F2R: variants seen among roughly 807,000 people sequenced by gnomAD.
F2R encodes the protein proteinase-activated receptor 1.
In F2R, 12 loss-of-function variants were observed where a neutral mutation model predicts 18.3. That is an observed-to-expected ratio of 0.66 (90% CI 0.42 to 1.06). F2R has a LOEUF of 1.06. F2R is among the 50% of genes least tolerant of loss of function. F2R has a pLI of 0.00. For missense variants in F2R, 438 were observed against 530.8 expected (o/e 0.83, Z 1.72); for synonymous variants, 210 against 219.9 (o/e 0.95, Z 0.40).
chr5:76,720,264 C>T (rs1748422799), intron 1 of F2R, among the ~76,000 whole-genome samples: 1 of 151,940 alleles, frequency 6.6e-6, no homozygotes, highest in South Asian at 2.1e-4. Flanking sequence ...AGTAAGACCC[C>T]ATCTCTATTA....
intron 1 of F2R, among the ~76,000 whole-genome samples, chr5:76,719,184 G>A (rs562851772): frequency 5.9e-5 from 9 of 152,302 alleles, no homozygotes; most frequent in South Asian, 2.1e-4. Context: ...TCTTAGGGAC[G>A]TTACAATACT....
rs1004191294 is a variant in F2R at position 76,716,355 on chromosome 5, C to T, written c.48C>T (p.Cys16=). 1.4e-6 allele frequency: 2 copies of T among 1,462,374 alleles called. No homozygotes were observed. Among genetic ancestry groups the T allele is most frequent in the Non-Finnish European group, 9.0e-7 (1 of 1,108,970 alleles). 90.6% of individuals were successfully genotyped at this position (1,462,374 alleles called of 1,614,324 possible). A position where few individuals can be genotyped will look rare whatever the true frequency, so the allele number is the denominator to read the frequency against. The change falls in exon 1 of 2, where the codon TGC becomes TGT. Residue 16 remains cysteine, a synonymous_variant. Transcript: ENST00000319211. Reference sequence around the variant, plus strand: ...TGGTGGCCGCCTGCTTCAGTCTGTGCGGCCCGCTGTTGTCTGCCCGCACCC... The same window carrying T: ...TGGTGGCCGCCTGCTTCAGTCTGTGTGGCCCGCTGTTGTCTGCCCGCACCC... ...LLLVAACFSL[C]GPLLSARTRA... is the part of the protein sequence containing the mutation.
chr5:76,728,489 C>T (rs1156427569), intron 1 of F2R, among the ~76,000 whole-genome samples: 2 of 152,138 alleles, frequency 1.3e-5, no homozygotes, highest in Non-Finnish European at 2.9e-5. Flanking sequence ...ACATTATGCC[C>T]TCTCGGCTCA....
Position 76,732,997 on chromosome 5 carries a change from C to T in F2R, c.772C>T (p.Leu258Phe). 2 of 1,614,172 alleles carry T rather than the reference C, an allele frequency of 1.2e-6. No individual in the cohort carries two copies. Among genetic ancestry groups the T allele is most frequent in the South Asian group, 1.1e-5 (1 of 91,082 alleles). ...CAACATCACTACCTGTCATGATGTGCTCAATGAAACCCTGCTCGAAGGCTA... is the reference window on the plus strand; with the variant it reads ...CAACATCACTACCTGTCATGATGTGTTCAATGAAACCCTGCTCGAAGGCTA... ...GLNITTCHDVLNETLLEGYYA... is the reference protein window; with the variant it reads ...GLNITTCHDVFNETLLEGYYA... The change falls in exon 2 of 2, where the codon CTC becomes TTC. Residue 258 changes from leucine to phenylalanine, a missense_variant. Leu to Phe is a conservative substitution (Grantham distance 22). Transcript: ENST00000319211.
Position 76,732,622 on chromosome 5 carries a change from G to A in F2R, c.397G>A (p.Val133Ile), listed in dbSNP as rs374957006. ...AIVVFILKMK[V>I]KKPAVVYMLH... ...CGTTGTGTTCATCCTGAAAATGAAG[G>A]TCAAGAAGCCGGCGGTGGTGTACAT... Residue 133 changes from valine (V) to isoleucine (I), a missense_variant, in exon 2 of 2, where the codon GTC becomes ATC. Transcript: ENST00000319211. The A allele has an allele frequency of 9.3e-6, 15 of 1,614,174 alleles. No individual in the cohort carries two copies. In the South Asian group the frequency reaches 1.4e-4, roughly 15 times the overall value.
At chr5:76,731,679 G>A (rs1384262416) in intron 1 of F2R, among the ~76,000 whole-genome samples, 1 of 151,966 alleles carries the variant, frequency 6.6e-6, no homozygotes, top group Non-Finnish European at 1.5e-5. Flanking sequence ...ACAGGTGCAT[G>A]CCACCGCACC....
chr5:76,725,419 T>C (rs1226819198), intron 1 of F2R, among the ~76,000 whole-genome samples: 1 of 151,938 alleles, frequency 6.6e-6, no homozygotes, highest in South Asian at 2.1e-4. Context: ...AAACCATAGC[T>C]TAACCAAAAA....
intron 1 of F2R, among the ~76,000 whole-genome samples, chr5:76,729,297 A>G (rs1368753757): frequency 6.6e-6 from 1 of 152,126 alleles, no homozygotes; most frequent in Non-Finnish European, 1.5e-5. Context: ...GGCCATTTGT[A>G]TGTCTTCTTT....
chr5:76,716,544 T>C, intron 1 of F2R, 149 bp downstream of exon 1: 1 of 764,724 alleles, frequency 1.3e-6, no homozygotes, highest in South Asian at 1.9e-5. Flanking sequence ...TTTTTTCCAG[T>C]CACGTTTAGG....
rs367893721 is a variant in F2R at position 76,733,041 on chromosome 5, A to T, written c.816A>T (p.Ser272=). ...LLEGYYAYYF[S]AFSAVFFFVP... is the part of the protein sequence containing the mutation. The stretch of plus-strand genomic sequence containing the variant: ...AAGGCTACTATGCCTACTACTTCTC[A>T]GCCTTCTCTGCTGTCTTCTTTTTTG... The change falls in exon 2 of 2, where the codon TCA becomes TCT. Residue 272 remains serine (S), a synonymous_variant. Transcript: ENST00000319211. 1 of 1,614,116 alleles carries T rather than the reference A, an allele frequency of 6.2e-7. No individual in the cohort carries two copies.
intron 1 of F2R, among the ~76,000 whole-genome samples, chr5:76,723,350 G>T (rs1273124491): frequency 2.0e-5 from 3 of 152,200 alleles, no homozygotes; most frequent in Non-Finnish European, 2.9e-5. Flanking sequence ...AGCGTGGAGT[G>T]GTCAAAAGGT....
rs1247219613 is a variant in F2R, at chr5:76,735,072, T to G, written c.*1569T>G. The G allele has an allele frequency of 1.3e-5, 2 of 152,356 alleles. No homozygotes were observed. Among genetic ancestry groups the G allele is most frequent in the Admixed American group, 1.3e-4 (2 of 15,278 alleles). The allele number at this position is 152,356 out of a possible 1,614,324, so 9.4% of individuals were successfully genotyped here. On this transcript the variant is annotated 3_prime_UTR_variant, in exon 2 of 2. Transcript: ENST00000319211. ...CCTAAGTATCAAGTATAGAAAATCT[T>G]CATGGAATTCACAAAGTAATTTGGA... is the stretch of plus-strand genomic sequence containing the variant.
At chr5:76,717,971 C>G (rs910541763) in intron 1 of F2R, among the ~76,000 whole-genome samples, 1 of 152,032 alleles carries the variant, frequency 6.6e-6, no homozygotes, top group Admixed American at 6.6e-5. Flanking sequence ...GGTGGATGAA[C>G]TTGGCTAGTT....
intron 1 of F2R, among the ~76,000 whole-genome samples, chr5:76,725,349 A>G (rs1748535639): frequency 6.6e-6 from 1 of 152,270 alleles, no homozygotes; most frequent in African/African-American, 2.4e-5. Flanking sequence ...AGCCTAAATT[A>G]AGTGAAACTT....
Position 76,732,916 on chromosome 5 carries a change from A to G in F2R, c.691A>G (p.Ile231Val), listed in dbSNP as rs1432758723. 3 of 1,614,044 alleles carry G rather than the reference A, an allele frequency of 1.9e-6. No individual in the cohort carries two copies. Among genetic ancestry groups the G allele is most frequent in the African/African-American group, 1.3e-5 (1 of 74,904 alleles). Residue 231 changes from isoleucine to valine, a missense_variant, in exon 2 of 2, where the codon ATC becomes GTC. Transcript: ENST00000319211. ...FTCLAIWALA[I>V]AGVVPLLLKE... ...TTGTCTGGCCATCTGGGCTTTGGCC[A>G]TCGCAGGGGTAGTGCCTCTGCTCCT...
At chr5:76,730,527 C>T (rs927092135) in intron 1 of F2R, among the ~76,000 whole-genome samples, 1 of 152,226 alleles carries the variant, frequency 6.6e-6, no homozygotes, top group Non-Finnish European at 1.5e-5. Flanking sequence ...ATCCTTCTGA[C>T]ACCGTATGTC....
At chr5:76,731,422 C>A (rs752594717) in intron 1 of F2R, among the ~76,000 whole-genome samples, 2 of 151,346 alleles carry the variant, frequency 1.3e-5, no homozygotes, top group Non-Finnish European at 2.9e-5. Context: ...TGCGGTGAGC[C>A]GAGATCGCGC....
At chr5:76,719,745 A>G (rs572499585) in intron 1 of F2R, among the ~76,000 whole-genome samples, 1 of 152,302 alleles carries the variant, frequency 6.6e-6, no homozygotes, top group Non-Finnish European at 1.5e-5. Flanking sequence ...TACAGTATGG[A>G]TTTACCTATT....
intron 1 of F2R, among the ~76,000 whole-genome samples, chr5:76,722,149 A>G (rs1748472680): frequency 6.6e-6 from 1 of 152,164 alleles, no homozygotes; most frequent in African/African-American, 2.4e-5. Flanking sequence ...GGGCATGGGG[A>G]CAGTTTTTAT....
Sources: gnomAD v4.1 joint callset for allele counts (sites outside exome capture counted in the v4.1 genomes callset) on GRCh38, gnomAD v4.1.1 for gene constraint, MANE v1.5 for transcripts, NCBI Gene and HGNC (gene_info 2026-07-23, HGNC 2026-07-21) for gene names.